CSMD1: variants seen among roughly 807,000 people sequenced by gnomAD.
CSMD1 encodes the protein CUB and sushi domain-containing protein 1.
Under a neutral mutation model 417.5 loss-of-function variants are expected in CSMD1, and 213 were observed. The ratio of observed to expected loss-of-function variants is 0.51; its 90% confidence interval spans 0.46 to 0.57. CSMD1 has a LOEUF of 0.57. Ranked by LOEUF, CSMD1 falls within the 20% of genes least tolerant of loss-of-function variation. CSMD1 has a pLI of 0.00. For synonymous variants in CSMD1, 2,862 were observed against 1,736.8 expected (o/e 1.65, Z -16.11); for missense variants, 6,923 against 4,529.7 (o/e 1.53, Z -15.17).
At chr8:3,109,776 C>G (rs1034322048) in intron 43 of CSMD1, among the ~76,000 whole-genome samples, 1 of 151,694 alleles carries the variant, frequency 6.6e-6, no homozygotes, top group Non-Finnish European at 1.5e-5. Context: ...ATACACAACA[C>G]ACACACAGAC....
intron 1 of CSMD1, among the ~76,000 whole-genome samples, chr8:4,778,734 A>C (rs11136773): frequency 0.1 from 15,356 of 152,226 alleles, 989 homozygotes; most frequent in Non-Finnish European, 0.14. Context: ...TTATAGTGTT[A>C]ATCTTTAGGA....
intron 1 of CSMD1, among the ~76,000 whole-genome samples, chr8:4,898,619 G>C (rs1804659879): frequency 6.6e-6 from 1 of 152,098 alleles, no homozygotes; most frequent in South Asian, 2.1e-4. Flanking sequence ...ACAGTGTCTG[G>C]AATGAAATTT....
chr8:3,694,489 G>A (rs148686803), intron 7 of CSMD1, among the ~76,000 whole-genome samples: 161 of 152,196 alleles, frequency 1.1e-3, no homozygotes, highest in African/African-American at 3.7e-3. Context: ...ACACCATCTG[G>A]GAAAGCATGT....
chr8:3,891,997 A>G (rs887326561), intron 5 of CSMD1, among the ~76,000 whole-genome samples: 8 of 151,030 alleles, frequency 5.3e-5, no homozygotes, highest in African/African-American at 1.5e-4. Context: ...TTAGCACACG[A>G]TACTATCACC....
chr8:3,709,112 T>C (rs1322126639), intron 6 of CSMD1, among the ~76,000 whole-genome samples: 1 of 151,760 alleles, frequency 6.6e-6, no homozygotes, highest in South Asian at 2.1e-4. Flanking sequence ...AATATGTTTC[T>C]TGATGTACTA....
At chr8:3,291,512 T>A (rs1256696000) in intron 25 of CSMD1, among the ~76,000 whole-genome samples, 2 of 152,220 alleles carry the variant, frequency 1.3e-5, no homozygotes, top group South Asian at 4.1e-4. Context: ...GACCCTGTTA[T>A]TGGTCTATTC....
chr8:3,845,920 C>T (rs1052658267), intron 5 of CSMD1, among the ~76,000 whole-genome samples: 2 of 151,860 alleles, frequency 1.3e-5, no homozygotes, highest in African/African-American at 4.8e-5. Context: ...TCATCAATAT[C>T]ACTATCTTCC....
At chr8:3,233,096 T>C (rs1477804247) in intron 26 of CSMD1, among the ~76,000 whole-genome samples, 2 of 152,196 alleles carry the variant, frequency 1.3e-5, no homozygotes, top group African/African-American at 4.8e-5. Flanking sequence ...TTTTCATTTT[T>C]TTTTTCTGAG....
At chr8:4,471,193 T>C (rs942136554) in intron 2 of CSMD1, among the ~76,000 whole-genome samples, 4 of 152,180 alleles carry the variant, frequency 2.6e-5, no homozygotes, top group African/African-American at 9.7e-5. Flanking sequence ...AACAACATTA[T>C]TATGGAAAAA....
chr8:4,384,297 C>A (rs182306441), intron 3 of CSMD1, among the ~76,000 whole-genome samples: 2 of 152,188 alleles, frequency 1.3e-5, no homozygotes, highest in Admixed American at 6.5e-5. Flanking sequence ...CAATTAAGAT[C>A]CATAAAGGGC....
chr8:4,866,144 G>A (rs138236121), intron 1 of CSMD1, among the ~76,000 whole-genome samples: 43 of 152,004 alleles, frequency 2.8e-4, no homozygotes, highest in African/African-American at 1.0e-3. Flanking sequence ...GTCATCCTAT[G>A]CTGCAAAGTT....
At chr8:4,206,935 T>A (rs1746250696) in intron 3 of CSMD1, among the ~76,000 whole-genome samples, 1 of 152,194 alleles carries the variant, frequency 6.6e-6, no homozygotes, top group Admixed American at 6.5e-5. Flanking sequence ...TGCCCTCCTC[T>A]TTGAATGGAT....
At chr8:4,162,479 T>C (rs762933403) in intron 3 of CSMD1, among the ~76,000 whole-genome samples, 10 of 152,204 alleles carry the variant, frequency 6.6e-5, no homozygotes, top group Non-Finnish European at 1.5e-4. Flanking sequence ...TTTAAGCCAG[T>C]TTGATGAACA....
intron 1 of CSMD1, among the ~76,000 whole-genome samples, chr8:4,943,228 G>C (rs1808137763): frequency 6.6e-6 from 1 of 152,136 alleles, no homozygotes; most frequent in South Asian, 2.1e-4. Flanking sequence ...GGGTGCAGTG[G>C]CTCATGCTTG....
intron 26 of CSMD1, among the ~76,000 whole-genome samples, chr8:3,276,343 G>C (rs1425811902): frequency 1.3e-5 from 2 of 152,182 alleles, no homozygotes; most frequent in Non-Finnish European, 2.9e-5. Context: ...TGGAAATGCA[G>C]AAATCACCCA....
chr8:3,363,552 G>A lies in CSMD1; in HGVS notation c.3115+3480C>T, dbSNP rs186101345. On this transcript the variant is annotated intron_variant, in intron 20 of 69. Coordinates refer to ENST00000635120, the MANE Select transcript of CSMD1 (RefSeq NM_033225.6). ...ATTTATTTATTATTTTTTTGAGACC[G>A]AGTCTCGCTGTATTGCCGAGGCTGG... is the stretch of plus-strand genomic sequence containing the variant. Among the ~76,000 whole-genome samples the A allele has an allele frequency of 4.7e-3, 695 of 146,656 alleles. 8 individuals carry two copies. Among genetic ancestry groups the A allele is most frequent in the African/African-American group, 0.017 (663 of 39,420 alleles).
intron 1 of CSMD1, among the ~76,000 whole-genome samples, chr8:4,891,306 G>A (rs370479522): frequency 2.0e-5 from 3 of 152,216 alleles, no homozygotes; most frequent in African/African-American, 7.2e-5. Flanking sequence ...AAGACACTAA[G>A]CTAACAATGT....
At chr8:4,816,297 G>A (rs1799205121) in intron 1 of CSMD1, among the ~76,000 whole-genome samples, 1 of 151,970 alleles carries the variant, frequency 6.6e-6, no homozygotes, top group Admixed American at 6.6e-5. Flanking sequence ...GGATTCTCCT[G>A]CCTCAGCCTG....
chr8:3,333,089 G>A (rs1807014345), intron 23 of CSMD1, among the ~76,000 whole-genome samples: 1 of 152,168 alleles, frequency 6.6e-6, no homozygotes, highest in African/African-American at 2.4e-5. Flanking sequence ...GCAGGGAAAT[G>A]CCAGTGGCAC....
Sources: allele counts gnomAD v4.1 joint callset (sites outside exome capture counted in the v4.1 genomes callset), GRCh38; gene constraint gnomAD v4.1.1; transcripts MANE v1.5; gene names NCBI Gene and HGNC (gene_info 2026-07-23, HGNC 2026-07-21).